ZNF66: variants seen among roughly 807,000 people sequenced by gnomAD.
ZNF66 encodes the protein zinc finger protein 66.
ZNF66 carries 32 observed loss-of-function variants against 35.2 expected under a neutral mutation model. That is an observed-to-expected ratio of 0.91 (90% CI 0.69 to 1.22). ZNF66 has a LOEUF of 1.22. ZNF66 is among the 50% of genes most tolerant of loss of function. The pLI, the probability that ZNF66 is intolerant of heterozygous loss-of-function variation, is 0.00. For synonymous variants in ZNF66, 231 were observed against 181.3 expected (o/e 1.27, Z -2.20); for missense variants, 666 against 543.1 (o/e 1.23, Z -2.25).
chr19:20,776,634 C>T (rs1971197312), intron 1 of ZNF66, among the ~76,000 whole-genome samples, 184 bp downstream of exon 1: 1 of 152,188 alleles, frequency 6.6e-6, no homozygotes. Context: ...GTCGCTTCCC[C>T]GCGCAGTGAC....
Position 20,807,976 on chromosome 19 carries a change from A to C in ZNF66, c.*654A>C, listed in dbSNP as rs1971541327. On this transcript the variant is annotated 3_prime_UTR_variant, in exon 4 of 4. Coordinates refer to ENST00000344519, the MANE Select transcript of ZNF66 (RefSeq NM_001355197.2). ...TTTCCTAGTCAAAGAAAGGGGTGAC[A>C]GATGGCACCTGGAAAATTGGGTTAC... Among the ~76,000 whole-genome samples the C allele has an allele frequency of 6.6e-6, 1 of 152,212 alleles. No homozygotes were observed. Among genetic ancestry groups the C allele is most frequent in the African/African-American group, 2.4e-5 (1 of 41,464 alleles).
At chr19:20,805,148 A>AGAGT (rs1971489586) in intron 3 of ZNF66, among the ~76,000 whole-genome samples, 1 of 151,610 alleles carries the variant, frequency 6.6e-6, no homozygotes, top group African/African-American at 2.4e-5. Flanking sequence ...AGAGAGAGAG[A>AGAGT]GAGTCTCGCC....
rs182587545 is a variant in ZNF66, at chr19:20,807,053, G to C, written c.1453G>C (p.Glu485Gln). 2.4e-6 allele frequency: 2 copies of C among 838,756 alleles called. No individual in the cohort carries two copies. Among genetic ancestry groups the C allele is most frequent in the East Asian group, 4.9e-5 (2 of 41,104 alleles). The allele number at this position is 838,756 out of a possible 1,614,324, so 52.0% of individuals were successfully genotyped here. Reference protein sequence around the residue: ...HTGEKPYKCEECGKAFKCSSI... With the variant: ...HTGEKPYKCEQCGKAFKCSSI... The stretch of plus-strand genomic sequence containing the variant: ...TGGAGAGAAGCCTTACAAATGTGAA[G>C]AATGTGGCAAGGCCTTTAAGTGCTC... Residue 485 changes from glutamate to glutamine, a missense_variant, in exon 4 of 4, where the codon GAA (glutamate) becomes CAA (glutamine). Physicochemically the swap from Glu to Gln is conservative, Grantham distance 29 (BLOSUM62 2). Transcript: ENST00000344519.
chr19:20,787,054 C>T (rs1971293312), intron 1 of ZNF66, among the ~76,000 whole-genome samples: 1 of 152,154 alleles, frequency 6.6e-6, no homozygotes, highest in South Asian at 2.1e-4. Flanking sequence ...AGCCACTGAG[C>T]CTGGCCTGGA....
At chr19:20,786,685 A>G (rs189473863) in intron 1 of ZNF66, among the ~76,000 whole-genome samples, 2 of 152,310 alleles carry the variant, frequency 1.3e-5, no homozygotes, top group Non-Finnish European at 1.5e-5. Flanking sequence ...TTAACTATGT[A>G]TTAATCTCTT....
chr19:20,803,408 TA>T (rs968843622), intron 3 of ZNF66, among the ~76,000 whole-genome samples: 7 of 151,932 alleles, frequency 4.6e-5, no homozygotes, highest in African/African-American at 1.7e-4. Context: ...TGGGATTACA[TA>T]AAACCTCTAA....
At chr19:20,783,991 G>A (rs1971266131) in intron 1 of ZNF66, among the ~76,000 whole-genome samples, 2 of 152,024 alleles carry the variant, frequency 1.3e-5, no homozygotes, top group African/African-American at 4.8e-5. Flanking sequence ...TGAGTAGCTG[G>A]GATTACAAGT....
Position 20,805,979 on chromosome 19 carries a change from A to C in ZNF66, c.379A>C (p.Lys127Gln), listed in dbSNP as rs1971500253. 1 of 769,494 alleles carries C rather than the reference A, an allele frequency of 1.3e-6. No homozygotes were observed. 47.7% of individuals were successfully genotyped at this position (769,494 alleles called of 1,614,324 possible). ...AAGTGTGGATAAGTGTAAAGTGCAC[A>C]AAAGAGGTTATAATGGACTTAACCA... is the stretch of plus-strand genomic sequence containing the variant. ...CESVDKCKVH[K>Q]RGYNGLNQCL... The change falls in exon 4 of 4, where the codon AAA becomes CAA. Residue 127 changes from lysine to glutamine, a missense_variant. Transcript: ENST00000344519.
rs1258361392 is a variant in ZNF66 at position 20,808,872 on chromosome 19, A to C, written c.*1550A>C. On this transcript the variant is annotated 3_prime_UTR_variant, in exon 4 of 4. Transcript: ENST00000344519. ...AATGACTTTGATGAGTTGAGAGAAG[A>C]AGGCTTCAGACGATCAAACTACTCC... 1.3e-5 allele frequency among the ~76,000 whole-genome samples: 2 copies of C among 152,144 alleles called. No homozygotes were observed. Among genetic ancestry groups the C allele is most frequent in the Non-Finnish European group, 2.9e-5 (2 of 68,030 alleles).
chr19:20,781,566 A>G (rs1457959037), intron 1 of ZNF66, among the ~76,000 whole-genome samples: 3 of 151,212 alleles, frequency 2.0e-5, no homozygotes, highest in East Asian at 1.9e-4. Context: ...CTGGAGTGCA[A>G]TGGTGTGATG....
At chr19:20,792,672 A>G (rs766235152) in intron 2 of ZNF66, 34 bp downstream of exon 2, 32 of 1,122,234 alleles carry the variant, frequency 2.9e-5, no homozygotes, top group Non-Finnish European at 3.6e-5. Flanking sequence ...CTCATAATAT[A>G]CACAAATTGT....
intron 3 of ZNF66, among the ~76,000 whole-genome samples, chr19:20,804,409 A>G (rs1034765726): frequency 4.6e-4 from 70 of 151,812 alleles, no homozygotes; most frequent in African/African-American, 1.7e-3. Flanking sequence ...ACACTTGGCT[A>G]TTTTTTTATA....
intron 3 of ZNF66, among the ~76,000 whole-genome samples, chr19:20,805,122 TGTGTGAGAGAGA>T (rs1971487951): frequency 7.0e-6 from 1 of 143,710 alleles, no homozygotes; most frequent in African/African-American, 2.6e-5. Flanking sequence ...TGTGTGTGTG[TGTGTGAGAGAGA>T]GAGAGAGAGA....
chr19:20,777,778 A>G (rs1278496293), intron 1 of ZNF66, among the ~76,000 whole-genome samples: 1 of 152,070 alleles, frequency 6.6e-6, no homozygotes, highest in Non-Finnish European at 1.5e-5. Context: ...GGCAAGCGCC[A>G]CCACTCCCAG....
Position 20,807,960 on chromosome 19 carries a change from CAAAG to C in ZNF66, c.*643_*646del, listed in dbSNP as rs1215093851. Among the ~76,000 whole-genome samples, 2 of 150,558 alleles carry C rather than the reference CAAAG, an allele frequency of 1.3e-5. No homozygotes were observed. Among genetic ancestry groups the C allele is most frequent in the Non-Finnish European group, 3.0e-5 (2 of 67,060 alleles). On this transcript the variant is annotated 3_prime_UTR_variant, in exon 4 of 4. Coordinates refer to ENST00000344519, the MANE Select transcript of ZNF66 (RefSeq NM_001355197.2). The stretch of plus-strand genomic sequence containing the variant: ...GAGTCAGGGAGTTCCCTTTCCTAGT[CAAAG>C]AAAGGGGTGACAGATGGCACCTGGA...
At chr19:20,799,061 C>CTTTTTTTTTTTTTTTTTT (rs374547894) in intron 3 of ZNF66, 7 of 116,696 alleles carry the variant, frequency 6.0e-5, no homozygotes, top group Admixed American at 8.4e-5. Context: ...CTTTTTCTTT[C>CTTTTTTTTTTTTTTTTTT]TTTCTTTTTT....
intron 1 of ZNF66, 44 bp from the exon 2 acceptor site, chr19:20,792,468 G>T (rs376463795): frequency 6.2e-6 from 9 of 1,445,538 alleles, no homozygotes; most frequent in Non-Finnish European, 7.6e-6. Flanking sequence ...TAAAAATTCC[G>T]CCCATAACCA....
chr19:20,804,621 T>TG (rs1408287988), intron 3 of ZNF66, among the ~76,000 whole-genome samples: 3 of 152,140 alleles, frequency 2.0e-5, no homozygotes, highest in African/African-American at 7.2e-5. Flanking sequence ...CACTCACTGA[T>TG]GGGGCCATGT....
intron 1 of ZNF66, among the ~76,000 whole-genome samples, chr19:20,777,903 A>G (rs1292291947): frequency 1.3e-5 from 2 of 152,176 alleles, no homozygotes; most frequent in South Asian, 2.1e-4. Flanking sequence ...GACAATGAAT[A>G]TATTTCCACA....
Sources: allele counts gnomAD v4.1 joint callset (sites outside exome capture counted in the v4.1 genomes callset), GRCh38; gene constraint gnomAD v4.1.1; transcripts MANE v1.5; gene names NCBI Gene and HGNC (gene_info 2026-07-23, HGNC 2026-07-21).